WWP2: variants seen among roughly 807,000 people sequenced by gnomAD.
The protein encoded by WWP2 is NEDD4-like E3 ubiquitin-protein ligase WWP2.
Under a neutral mutation model 121.0 loss-of-function variants are expected in WWP2, and 57 were observed. The observed-to-expected ratio is 0.47, with a 90% CI of 0.38 to 0.59. The LOEUF (loss-of-function observed/expected upper bound fraction) is 0.59, where lower values mean the gene tolerates loss of function less well. Among genes scored for constraint, WWP2 ranks in the 20% least tolerant of loss-of-function variants. The probability of loss-of-function intolerance (pLI) is 0.00; values close to 1 mark genes in which losing one functional copy is unlikely to be tolerated. For synonymous variants in WWP2, 449 were observed against 441.3 expected, an observed-to-expected ratio of 1.02 and a Z score of -0.22; for missense variants, 962 against 1,158.9, an observed-to-expected ratio of 0.83 and a Z score of 2.47.
At chr16:69,791,967 T>C (rs2055922061) in intron 2 of WWP2, among the ~76,000 whole-genome samples, 1 of 149,474 alleles carries the variant, frequency 6.7e-6, no homozygotes, top group African/African-American at 2.6e-5. Flanking sequence ...TACTGGTGTA[T>C]CTCATTATAC....
intron 4 of WWP2, among the ~76,000 whole-genome samples, chr16:69,809,451 T>G (rs1343671238): frequency 6.6e-6 from 1 of 151,814 alleles, no homozygotes; most frequent in African/African-American, 2.4e-5. Context: ...AGGAGGGAAT[T>G]CTAGGATGAG....
intron 8 of WWP2, 118 bp downstream of exon 8, chr16:69,888,367 G>A: frequency 2.2e-5 from 23 of 1,057,988 alleles, no homozygotes; most frequent in Non-Finnish European, 2.9e-5. Flanking sequence ...TGGGGAGGCT[G>A]CTGTGCATTG....
chr16:69,938,352 C>T (rs1170679094), intron 21 of WWP2, among the ~76,000 whole-genome samples: 1 of 152,114 alleles, frequency 6.6e-6, no homozygotes, highest in Non-Finnish European at 1.5e-5. Flanking sequence ...AGTGGCTTTC[C>T]ACTTTGGGTT....
intron 4 of WWP2, among the ~76,000 whole-genome samples, chr16:69,814,105 TA>T (rs2056445902): frequency 6.6e-6 from 1 of 152,144 alleles, no homozygotes; most frequent in South Asian, 2.1e-4. Context: ...ACCAGTAAGC[TA>T]AACCACTTGA....
At chr16:69,807,285 TCA>T (rs895799249) in intron 4 of WWP2, among the ~76,000 whole-genome samples, 2 of 152,146 alleles carry the variant, frequency 1.3e-5, no homozygotes, top group Non-Finnish European at 2.9e-5. Context: ...TCCACCTGCC[TCA>T]GTCTCCCATA....
At chr16:69,889,701 C>T (rs981187793) in intron 8 of WWP2, among the ~76,000 whole-genome samples, 1 of 152,172 alleles carries the variant, frequency 6.6e-6, no homozygotes, top group Admixed American at 6.5e-5. Context: ...CTTCGCAGCT[C>T]TGATCATGGT....
intron 2 of WWP2, among the ~76,000 whole-genome samples, chr16:69,790,762 G>T (rs2151800015): frequency 6.6e-6 from 1 of 152,210 alleles, no homozygotes; most frequent in East Asian, 1.9e-4. Context: ...TTTTAGTAGA[G>T]ATGGGGTTTT....
At chr16:69,787,600 A>C (rs2055821556) in intron 2 of WWP2, among the ~76,000 whole-genome samples, 1 of 152,154 alleles carries the variant, frequency 6.6e-6, no homozygotes, top group African/African-American at 2.4e-5. Flanking sequence ...AAAACAAATT[A>C]AAATAAAAAC....
chr16:69,798,633 C>G (rs759419131), intron 2 of WWP2, 49 bp from the exon 3 acceptor site: 2 of 1,565,604 alleles, frequency 1.3e-6, no homozygotes, highest in Middle Eastern at 4.5e-4. Flanking sequence ...AGGGGGGCAT[C>G]TGGGAGCCCT....
chr16:69,805,166 A>G (rs1349512480), intron 4 of WWP2, among the ~76,000 whole-genome samples: 1 of 151,640 alleles, frequency 6.6e-6, no homozygotes, highest in Non-Finnish European at 1.5e-5. Context: ...CAGACTACTG[A>G]GTAGCTGGGA....
intron 8 of WWP2, 104 bp from the exon 9 acceptor site, chr16:69,908,657 G>A: frequency 6.4e-7 from 1 of 1,553,484 alleles, no homozygotes; most frequent in Admixed American, 1.8e-5. Context: ...CATCTTTGAT[G>A]CTTCCTGTAA....
At chr16:69,928,624 G>T (rs560489646) in intron 11 of WWP2, among the ~76,000 whole-genome samples, 20 of 152,250 alleles carry the variant, frequency 1.3e-4, no homozygotes, top group African/African-American at 4.8e-4. Flanking sequence ...AACAGGATAG[G>T]CAGGCCAGGC....
Position 69,899,148 on chromosome 16 carries a change from A to G in WWP2, c.915-9613A>G, listed in dbSNP as rs1196681513. Among the ~76,000 whole-genome samples the G allele has an allele frequency of 2.6e-5, 4 of 152,334 alleles. No individual in the cohort carries two copies. The East Asian group carries it at 7.7e-4, about 29-fold the overall frequency. On this transcript the variant is annotated intron_variant, in intron 8 of 23. Coordinates refer to ENST00000359154, the MANE Select transcript of WWP2 (RefSeq NM_001270454.2). ...CAAGAGTTAATAATTTTAAATAGCC[A>G]AATCTGTAATCTTTTTCATGTGTCT...
intron 6 of WWP2, among the ~76,000 whole-genome samples, chr16:69,844,027 G>T (rs11641899): frequency 1.3e-5 from 2 of 152,004 alleles, no homozygotes; most frequent in African/African-American, 4.8e-5. Context: ...TTATGAGGTT[G>T]TGGTGACTGG....
chr16:69,890,580 A>G (rs1241642093), intron 8 of WWP2, among the ~76,000 whole-genome samples: 1 of 152,144 alleles, frequency 6.6e-6, no homozygotes, highest in Non-Finnish European at 1.5e-5. Context: ...CAGAAAGGAG[A>G]GAAAATGGCC....
In WWP2 at chr16:69,908,956, C is replaced by G; in HGVS notation, c.1004+106C>G. ...CTGCGGAGGTAGCATAGCACAGTGA[C>G]GTTTATTCCGGGTCACTTGATTGCT... On this transcript the variant is annotated intron_variant, in intron 9 of 23. Transcript: ENST00000359154. 4 of 1,550,024 alleles carry G rather than the reference C, an allele frequency of 2.6e-6. No individual in the cohort carries two copies. The South Asian group carries it at 4.8e-5, about 19-fold the overall frequency.
intron 2 of WWP2, among the ~76,000 whole-genome samples, chr16:69,793,157 C>T (rs1022391448): frequency 2.0e-5 from 3 of 152,020 alleles, no homozygotes; most frequent in African/African-American, 7.2e-5. Flanking sequence ...TCAAGACCAG[C>T]CTCGCCAAGA....
At chr16:69,819,270 T>A (rs2056551047) in intron 4 of WWP2, among the ~76,000 whole-genome samples, 2 of 152,208 alleles carry the variant, frequency 1.3e-5, no homozygotes, top group African/African-American at 4.8e-5. Flanking sequence ...CCAGAATAAT[T>A]CAAACCAGAA....
intron 6 of WWP2, among the ~76,000 whole-genome samples, chr16:69,865,804 A>G (rs1230166076): frequency 6.6e-6 from 1 of 152,232 alleles, no homozygotes; most frequent in African/African-American, 2.4e-5. Context: ...AGCAGAGGAC[A>G]GAAAGATACT....
Sources: gnomAD v4.1 joint callset for allele counts (sites outside exome capture counted in the v4.1 genomes callset) on GRCh38, gnomAD v4.1.1 for gene constraint, MANE v1.5 for transcripts, NCBI Gene and HGNC (gene_info 2026-07-23, HGNC 2026-07-21) for gene names.